Variants in STYXL1 observed in about 807,000 individuals in gnomAD.
STYXL1 encodes the protein serine/threonine/tyrosine interacting like 1.
Under a neutral mutation model 36.4 loss-of-function variants are expected in STYXL1, and 32 were observed. The observed-to-expected ratio is 0.88, with a 90% CI of 0.66 to 1.18. The LOEUF is 1.18. Among genes scored for constraint, STYXL1 ranks in the 50% most tolerant of loss-of-function variants. The pLI, the probability that STYXL1 is intolerant of heterozygous loss-of-function variation, is 0.00. For synonymous variants in STYXL1, 133 were observed against 144.1 expected, an observed-to-expected ratio of 0.92 and a Z score of 0.55; for missense variants, 354 against 394.1, an observed-to-expected ratio of 0.90 and a Z score of 0.86.
At chr7:76,047,135 G>A (rs1319795497) in intron 1 of STYXL1, among the ~76,000 whole-genome samples, 2 of 151,826 alleles carry the variant, frequency 1.3e-5, no homozygotes, top group Non-Finnish European at 2.9e-5. Context: ...GTGTAGTGGT[G>A]CGCTAATCCC....
chr7:76,031,331 CAAAAAAAAAAAAAAAA>C (rs60550486), intron 1 of STYXL1, among the ~76,000 whole-genome samples: 3 of 42,296 alleles, frequency 7.1e-5, no homozygotes, highest in Admixed American at 1.0e-3. Context: ...ACTCTGTCTC[CAAAAAAAAAAAAAAAA>C]AAAAAAAAAA....
intron 1 of STYXL1, among the ~76,000 whole-genome samples, chr7:76,038,746 G>A (rs1796192930): frequency 7.1e-6 from 1 of 140,800 alleles, no homozygotes; most frequent in Non-Finnish European, 1.5e-5. Flanking sequence ...ATGGCCTCAA[G>A]GCGAGCTAAC....
At position 76,038,345 on chromosome 7, in the gene STYXL1, G is replaced by A. The variant is rs537972996; in HGVS notation, c.-4-7818C>T. The stretch of plus-strand genomic sequence containing the variant: ...GGATGACATGAGCCTCTCCTCTGTC[G>A]TCCCAGAAAAACCTCCCTACTCGTT... On this transcript the variant is annotated intron_variant, in intron 1 of 8. Transcript: ENST00000359697. Among the ~76,000 whole-genome samples the A allele has an allele frequency of 4.7e-5, 7 of 149,378 alleles. No homozygotes were observed. In the East Asian group the frequency reaches 9.7e-4, roughly 21 times the overall value.
chr7:76,005,877 AGG>A (rs1791657169), intron 5 of STYXL1, among the ~76,000 whole-genome samples: 1 of 96,608 alleles, frequency 1.0e-5, no homozygotes, highest in Non-Finnish European at 2.2e-5. Context: ...AAGAGAGAGG[AGG>A]AGAGAGGAGG....
At chr7:76,046,278 G>C (rs1796960470) in intron 1 of STYXL1, among the ~76,000 whole-genome samples, 2 of 16,490 alleles carry the variant, frequency 1.2e-4, no homozygotes, top group African/African-American at 2.0e-4. Context: ...TATCTGCTGT[G>C]TGTGTGTGTG....
At chr7:76,013,934 T>C in intron 4 of STYXL1, 47 bp from the exon 5 acceptor site, 1 of 1,567,294 alleles carries the variant, frequency 6.4e-7, no homozygotes, top group South Asian at 1.2e-5. Context: ...GTATCTGCCA[T>C]TGGTCTAGAG....
chr7:76,020,426 G>T (rs1793922881), intron 4 of STYXL1, among the ~76,000 whole-genome samples: 1 of 152,168 alleles, frequency 6.6e-6, no homozygotes, highest in South Asian at 2.1e-4. Flanking sequence ...AAAACCAGGG[G>T]CTAATGAAGA....
chr7:76,036,461 T>C (rs566592684), intron 1 of STYXL1, among the ~76,000 whole-genome samples: 1 of 150,280 alleles, frequency 6.7e-6, no homozygotes, highest in South Asian at 2.2e-4. Context: ...TTCTGATGTA[T>C]CGTGCATTTA....
intron 8 of STYXL1, 37 bp downstream of exon 8, chr7:76,000,853 G>A (rs782598835): frequency 8.2e-6 from 13 of 1,582,322 alleles, no homozygotes; most frequent in Non-Finnish European, 9.6e-6. Flanking sequence ...CTCCCAGGGG[G>A]TGGCCGTGGT....
chr7:76,021,288 A>G (rs1418174855), intron 4 of STYXL1, among the ~76,000 whole-genome samples: 2 of 151,992 alleles, frequency 1.3e-5, no homozygotes, highest in East Asian at 1.9e-4. Flanking sequence ...TCACCGTGTT[A>G]GCCAAGATGG....
rs144684081 is a variant in STYXL1 at position 76,035,566 on chromosome 7, G to A, written c.-4-5039C>T. On this transcript the variant is annotated intron_variant, in intron 1 of 8. Transcript: ENST00000359697. The stretch of plus-strand genomic sequence containing the variant: ...GGACCTGCCATCATACTTTTTCCAC[G>A]TGTGGATTCCTCTTAAGGATCTCCT... 1.0e-3 allele frequency among the ~76,000 whole-genome samples: 151 copies of A among 149,730 alleles called. 12 individuals carry two copies. Among genetic ancestry groups the A allele is most frequent in the South Asian group, 2.2e-3 (10 of 4,534 alleles).
At chr7:76,035,963 C>A (rs1375839854) in intron 1 of STYXL1, among the ~76,000 whole-genome samples, 1 of 149,896 alleles carries the variant, frequency 6.7e-6, no homozygotes, top group Non-Finnish European at 1.5e-5. Flanking sequence ...AGATCGGTCC[C>A]TGAACCTAAC....
At chr7:76,004,840 A>C (rs1457682693) in intron 6 of STYXL1, among the ~76,000 whole-genome samples, 1 of 151,684 alleles carries the variant, frequency 6.6e-6, no homozygotes, top group Admixed American at 6.6e-5. Context: ...TCTCTACTAA[A>C]AATACAAAAA....
chr7:76,039,140 G>GTTGGCCA (rs1166319417), intron 1 of STYXL1, among the ~76,000 whole-genome samples: 1 of 149,070 alleles, frequency 6.7e-6, no homozygotes, highest in African/African-American at 2.6e-5. Context: ...GTTTCACCAT[G>GTTGGCCA]TTGGCCAGGC....
At chr7:76,017,495 G>A (rs1585243043) in intron 4 of STYXL1, among the ~76,000 whole-genome samples, 1 of 152,032 alleles carries the variant, frequency 6.6e-6, no homozygotes, top group African/African-American at 2.4e-5. Context: ...ATTTATAAGT[G>A]CAAGCTAAAC....
At chr7:76,033,538 G>A (rs1188128735) in intron 1 of STYXL1, among the ~76,000 whole-genome samples, 2 of 152,148 alleles carry the variant, frequency 1.3e-5, no homozygotes, top group African/African-American at 4.8e-5. Context: ...GAGTCCAGGG[G>A]TAATCTTGCT....
In STYXL1 at chr7:75,996,459, C is replaced by A. The variant is rs781996968; in HGVS notation, c.*9G>T. The A allele has an allele frequency of 3.1e-6, 5 of 1,614,040 alleles. No individual in the cohort carries two copies. The highest frequency in any genetic ancestry group is 1.1e-5 in the South Asian group (1 of 91,080). ...CTCTTCAGTACCCTTCGGTGGGCCT[C>A]GGAGAAGATCAGTAGAGCGGATCCA... On this transcript the variant is annotated 3_prime_UTR_variant, in exon 9 of 9. Transcript: ENST00000359697.
chr7:76,017,151 T>C (rs1429361333), intron 4 of STYXL1, among the ~76,000 whole-genome samples: 1 of 151,960 alleles, frequency 6.6e-6, no homozygotes, highest in Non-Finnish European at 1.5e-5. Context: ...GCCTCTCGAG[T>C]AGCTAGGATT....
rs1585387546 is a variant in STYXL1, at chr7:76,047,671, G to C, written c.-14C>G. On this transcript the variant is annotated 5_prime_UTR_variant, in exon 1 of 9. Transcript: ENST00000359697. Reference sequence around the variant, plus strand: ...GCCTCCCTGACCCTACCTTTCCGGAGCTCAGAGTCCCCTCTGGCCTCCAAG... The same window carrying C: ...GCCTCCCTGACCCTACCTTTCCGGACCTCAGAGTCCCCTCTGGCCTCCAAG... 5.5e-6 allele frequency: 1 copy of C among 181,498 alleles called. No individual in the cohort carries two copies. The highest frequency in any genetic ancestry group is 1.2e-5 in the Non-Finnish European group (1 of 83,796). 11.2% of individuals were successfully genotyped at this position (181,498 alleles called of 1,614,324 possible).
Sources: allele counts gnomAD v4.1 joint callset (sites outside exome capture counted in the v4.1 genomes callset), GRCh38; gene constraint gnomAD v4.1.1; transcripts MANE v1.5; gene names NCBI Gene and HGNC (gene_info 2026-07-23, HGNC 2026-07-21).